Variants in DNAJC13 observed in about 807,000 individuals in gnomAD.
DNAJC13 encodes DnaJ heat shock protein family (Hsp40) member C13.
A neutral mutation model predicts 290.5 loss-of-function variants in DNAJC13; 75 were observed. That is an observed-to-expected ratio of 0.26 (90% CI 0.21 to 0.31). DNAJC13 has a LOEUF of 0.31. DNAJC13 is among the 10% of genes least tolerant of loss of function. The pLI, the probability that DNAJC13 is intolerant of heterozygous loss-of-function variation, is 1.00. For synonymous variants in DNAJC13, 862 were observed against 892.0 expected (o/e 0.97, Z 0.60); for missense variants, 2,260 against 2,674.5 (o/e 0.85, Z 3.42).
chr3:132,500,681 G>T (rs1217165775), intron 38 of DNAJC13, 113 bp from the exon 39 acceptor site: 2 of 1,387,774 alleles, frequency 1.4e-6, no homozygotes, highest in Admixed American at 1.9e-5. Flanking sequence ...TTGGAACATT[G>T]TATATACCAT....
chr3:132,463,544 A>AT lies in DNAJC13; in HGVS notation c.1771-143dup, dbSNP rs375695831. The AT allele has an allele frequency of 4.0e-3, 3,134 of 781,540 alleles. 5 individuals carry two copies. Among genetic ancestry groups the AT allele is most frequent in the African/African-American group, 0.018 (992 of 55,772 alleles). 48.4% of individuals were successfully genotyped at this position (781,540 alleles called of 1,614,324 possible). ...AAATTACCTGTGCTACTACTCACCT[A>AT]TTTTTTTTTGGGTGATTAGAAGATG... is the stretch of plus-strand genomic sequence containing the variant. On this transcript the variant is annotated intron_variant, in intron 16 of 55. Coordinates refer to ENST00000260818, the MANE Select transcript of DNAJC13 (RefSeq NM_015268.4).
chr3:132,526,144 T>G lies in DNAJC13; in HGVS notation c.6244T>G (p.Cys2082Gly). The G allele has an allele frequency of 6.2e-7, 1 of 1,613,996 alleles. No individual in the cohort carries two copies. Among genetic ancestry groups the G allele is most frequent in the Non-Finnish European group, 8.5e-7 (1 of 1,179,930 alleles). ...ACCTTCTCTTTTGGGCACTTAGCTGTGTGTTCGAGCCATGGCATCTTTAGA... is the reference window on the plus strand; with the variant it reads ...ACCTTCTCTTTTGGGCACTTAGCTGGGTGTTCGAGCCATGGCATCTTTAGA... ...VIHALSENELCVRAMASLETI... is the reference protein window; with the variant it reads ...VIHALSENELGVRAMASLETI... The change falls in exon 53 of 56, where the codon TGT (cysteine) becomes GGT (glycine). Residue 2082 changes from cysteine (C) to glycine (G), a missense_variant. Cys to Gly is a radical substitution (Grantham distance 159). This residue lies in a region of DNAJC13 where 1,494 missense variants were observed against 1,693.7 expected (regional missense o/e 0.88). Coordinates refer to ENST00000260818, the MANE Select transcript of DNAJC13 (RefSeq NM_015268.4).
In DNAJC13 at chr3:132,492,443, A is replaced by G. The variant is rs764024685; in HGVS notation, c.3653A>G (p.His1218Arg). ...CTGATGATAGAGAAGATTGCTGCCC[A>G]TCTCGCGGATTTCACACCTCGTCTT... ...RRLMIEKIAA[H>R]LADFTPRLQS... The change falls in exon 33 of 56, where the codon CAT (histidine) becomes CGT (arginine). Residue 1218 changes from histidine to arginine, a missense_variant. His to Arg is a conservative substitution (Grantham distance 29, BLOSUM62 0). Transcript: ENST00000260818. 1.2e-6 allele frequency: 2 copies of G among 1,613,874 alleles called. No individual in the cohort carries two copies. Among genetic ancestry groups the G allele is most frequent in the South Asian group, 2.2e-5 (2 of 91,074 alleles).
At position 132,505,314 on chromosome 3, in the gene DNAJC13, C is replaced by T. The variant is rs749616894; in HGVS notation, c.4897C>T (p.Leu1633Phe). The change falls in exon 42 of 56, where the codon CTT (leucine) becomes TTT (phenylalanine). Residue 1633 changes from leucine to phenylalanine, a missense_variant. Coordinates refer to ENST00000260818, the MANE Select transcript of DNAJC13 (RefSeq NM_015268.4). ...VASVTEILKM[L>F]NSNTESPYLI... ...TATTGTCTCCTAGATTTTGAAGATG[C>T]TTAACAGCAACACAGAAAGTCCATA... 6 of 1,602,188 alleles carry T rather than the reference C, an allele frequency of 3.7e-6. No individual in the cohort carries two copies. The highest frequency in any genetic ancestry group is 4.3e-6 in the Non-Finnish European group (5 of 1,173,032).
chr3:132,422,639 T>G (rs1938992913), intron 1 of DNAJC13, among the ~76,000 whole-genome samples: 1 of 152,224 alleles, frequency 6.6e-6, no homozygotes, highest in African/African-American at 2.4e-5. Flanking sequence ...GTTAGATTTC[T>G]TTGTAACAAA....
intron 24 of DNAJC13, among the ~76,000 whole-genome samples, 177 bp from the exon 25 acceptor site, chr3:132,479,050 A>C (rs1285830494): frequency 6.6e-6 from 1 of 152,238 alleles, no homozygotes; most frequent in African/African-American, 2.4e-5. Flanking sequence ...TAAAGAATGT[A>C]ATTTTCAGGA....
Position 132,460,297 on chromosome 3 carries a change from T to G in DNAJC13, c.1497T>G (p.Ala499=), listed in dbSNP as rs1933747218. 6.2e-7 allele frequency: 1 copy of G among 1,613,182 alleles called. No individual in the cohort carries two copies. The highest frequency in any genetic ancestry group is 8.5e-7 in the Non-Finnish European group (1 of 1,179,426). Residue 499 remains alanine, a synonymous_variant, in exon 14 of 56, where the codon GCT becomes GCG. Transcript: ENST00000260818. ...YDLRQEQLNK[A]SLLSSKKFLE... ...TAAGACAAGAACAGTTGAACAAAGC[T>G]TCTCTTCTCTCGTCAAAGAAGTTTC...
At chr3:132,472,266 T>C (rs1047666721) in intron 20 of DNAJC13, among the ~76,000 whole-genome samples, 1 of 152,214 alleles carries the variant, frequency 6.6e-6, no homozygotes, top group African/African-American at 2.4e-5. Context: ...GCAGAGATTC[T>C]TAACCTCTGG....
chr3:132,514,419 T>C (rs528628588), intron 45 of DNAJC13, 152 bp from the exon 46 acceptor site: 1 of 568,860 alleles, frequency 1.8e-6, no homozygotes, highest in South Asian at 2.4e-5. Flanking sequence ...AAGAGATTAA[T>C]AAAGGCAATC....
intron 2 of DNAJC13, among the ~76,000 whole-genome samples, chr3:132,437,347 G>C (rs959736624): frequency 1.3e-5 from 2 of 152,088 alleles, no homozygotes; most frequent in Admixed American, 1.3e-4. Context: ...CTTTTAATTT[G>C]ATGAAATCCA....
At position 132,505,350 on chromosome 3, in the gene DNAJC13, A is replaced by T; in HGVS notation, c.4933A>T (p.Asn1645Tyr). ...SNTESPYLIW[N>Y]NSTRAELLEF... ...CACAGAAAGTCCATATTTGATATGG[A>T]ACAATTCTACAAGAGCAGAATTACT... The change falls in exon 42 of 56, where the codon AAC (asparagine) becomes TAC (tyrosine). Residue 1645 changes from asparagine (N) to tyrosine (Y), a missense_variant. This residue lies in a region of DNAJC13 where 1,494 missense variants were observed against 1,693.7 expected (regional missense o/e 0.88). Transcript: ENST00000260818. The T allele has an allele frequency of 6.2e-7, 1 of 1,611,664 alleles. No homozygotes were observed. Among genetic ancestry groups the T allele is most frequent in the Non-Finnish European group, 8.5e-7 (1 of 1,178,808 alleles).
intron 44 of DNAJC13, 41 bp from the exon 45 acceptor site, chr3:132,512,967 A>G (rs1294539195): frequency 2.6e-6 from 4 of 1,529,016 alleles, no homozygotes; most frequent in South Asian, 1.1e-5. Flanking sequence ...AATAATTTCA[A>G]ACATCTCCTG....
At chr3:132,455,447 A>G (rs983843472) in intron 9 of DNAJC13, among the ~76,000 whole-genome samples, 9 of 152,246 alleles carry the variant, frequency 5.9e-5, no homozygotes, top group Non-Finnish European at 1.2e-4. Flanking sequence ...TTAAAAGATT[A>G]AACACATACT....
chr3:132,492,562 C>T lies in DNAJC13; in HGVS notation c.3772C>T (p.Leu1258Phe), dbSNP rs1935095626. The T allele has an allele frequency of 1.2e-6, 2 of 1,613,488 alleles. No individual in the cohort carries two copies. The highest frequency in any genetic ancestry group is 2.7e-5 in the African/African-American group (2 of 74,834). The change falls in exon 33 of 56, where the codon CTC becomes TTC. Residue 1258 changes from leucine (L) to phenylalanine (F), a missense_variant. Transcript: ENST00000260818. ...ENELFCNIYY[L>F]KQLCDTLRFP... ...TGAACTATTTTGTAATATTTATTAC[C>T]TCAAACAACTGTGTGATACACTCCG...
chr3:132,524,231 C>G (rs1681367943), intron 51 of DNAJC13, among the ~76,000 whole-genome samples: 1 of 152,202 alleles, frequency 6.6e-6, no homozygotes. Context: ...TTTGGCAAGC[C>G]AAATACCGTG....
intron 51 of DNAJC13, among the ~76,000 whole-genome samples, chr3:132,525,405 G>A (rs1936224257): frequency 1.3e-5 from 2 of 152,164 alleles, no homozygotes; most frequent in Admixed American, 6.5e-5. Context: ...GATTAAAATA[G>A]CATATTCTTA....
At chr3:132,460,809 T>G (rs1469441683) in intron 14 of DNAJC13, among the ~76,000 whole-genome samples, 1 of 152,062 alleles carries the variant, frequency 6.6e-6, no homozygotes, top group Non-Finnish European at 1.5e-5. Context: ...TGAGAAGTCT[T>G]GGTTATACTC....
intron 36 of DNAJC13, 152 bp from the exon 37 acceptor site, chr3:132,498,974 C>A: frequency 1.6e-6 from 1 of 626,404 alleles, no homozygotes. Flanking sequence ...CCTTGGCCTC[C>A]CAAAGTGCTG....
chr3:132,454,483 A>G (rs1189010656), intron 9 of DNAJC13, among the ~76,000 whole-genome samples: 1 of 151,402 alleles, frequency 6.6e-6, no homozygotes, highest in Non-Finnish European at 1.5e-5. Flanking sequence ...CACCACGCCC[A>G]GCTAATTTTT....
Sources: gnomAD v4.1 joint callset for allele counts (sites outside exome capture counted in the v4.1 genomes callset) on GRCh38, gnomAD v4.1.1 for gene constraint, gnomAD v4.1.1 regional missense constraint, MANE v1.5 for transcripts, NCBI Gene and HGNC (gene_info 2026-07-23, HGNC 2026-07-21) for gene names.